The following NAP1L5 variants were observed in gnomAD, a reference collection of about 807,000 sequenced individuals.
The protein encoded by NAP1L5 is nucleosome assembly protein 1-like 5.
For synonymous variants in NAP1L5, 125 were observed against 103.6 expected (o/e 1.21, Z -1.25); for missense variants, 249 against 246.4 (o/e 1.01, Z -0.07).
In NAP1L5 at chr4:88,697,185, C is replaced by G. The variant is rs1734684313; in HGVS notation, c.*21G>C. Reference sequence around the variant, plus strand: ...AGGCTTTTTTCTTCGTGGGCTTTCTCTTCATCCATCTCTGCCCCCCTTACT... The same window carrying G: ...AGGCTTTTTTCTTCGTGGGCTTTCTGTTCATCCATCTCTGCCCCCCTTACT... On this transcript the variant is annotated 3_prime_UTR_variant, in exon 1 of 1. Transcript: ENST00000323061. 2 of 1,481,590 alleles carry G rather than the reference C, an allele frequency of 1.3e-6. No homozygotes were observed. The highest frequency in any genetic ancestry group is 1.8e-6 in the Non-Finnish European group (2 of 1,117,148). 91.8% of individuals were successfully genotyped at this position (1,481,590 alleles called of 1,614,324 possible). A position where few individuals can be genotyped will look rare whatever the true frequency, so the allele number is the denominator to read the frequency against.
In NAP1L5 at chr4:88,696,327, C is replaced by T. The variant is rs534824315; in HGVS notation, c.*879G>A. The T allele has an allele frequency of 4.1e-4, 62 of 152,710 alleles. No homozygotes were observed. The highest frequency in any genetic ancestry group is 1.4e-3 in the African/African-American group (58 of 41,568). 9.5% of individuals were successfully genotyped at this position (152,710 alleles called of 1,614,324 possible). A position where few individuals can be genotyped will look rare whatever the true frequency, so the allele number is the denominator to read the frequency against. On this transcript the variant is annotated 3_prime_UTR_variant, in exon 1 of 1. Transcript: ENST00000323061. ...TACATGACAGAAAGACGTCACAAGG[C>T]GCAAAGTACATAACGCTGGATACAC... is the stretch of plus-strand genomic sequence containing the variant.
Position 88,697,724 on chromosome 4 carries a change from C to T in NAP1L5, c.31G>A (p.Glu11Lys), listed in dbSNP as rs1734791232. MADSENQGPA[E>K]PSQAAAAAEA... Reference sequence around the variant, plus strand: ...GCCGCTGCCGCCGCCTGGCTAGGCTCCGCAGGCCCCTGGTTTTCCGAGTCG... The same window carrying T: ...GCCGCTGCCGCCGCCTGGCTAGGCTTCGCAGGCCCCTGGTTTTCCGAGTCG... The change falls in exon 1 of 1, where the codon GAG (glutamate) becomes AAG (lysine). Residue 11 changes from glutamate (E) to lysine (K), a missense_variant. Physicochemically the swap from Glu to Lys is moderately conservative, Grantham distance 56 (BLOSUM62 1). Transcript: ENST00000323061. 3.7e-6 allele frequency: 6 copies of T among 1,611,200 alleles called. No homozygotes were observed. Among genetic ancestry groups the T allele is most frequent in the Non-Finnish European group, 5.1e-6 (6 of 1,179,150 alleles).
In NAP1L5 at chr4:88,697,746, G is replaced by T; in HGVS notation, c.9C>A (p.Asp3Glu). The change falls in exon 1 of 1, where the codon GAC becomes GAA. Residue 3 changes from aspartate (D) to glutamate (E), a missense_variant. Asp to Glu is a conservative substitution (Grantham distance 45). Transcript: ENST00000323061. ...GCTCCGCAGGCCCCTGGTTTTCCGA[G>T]TCGGCCATGTTAGAGGAGAAGCCGC... Reference protein sequence around the residue: MADSENQGPAEPS... With the variant: MAESENQGPAEPS... 6.2e-7 allele frequency: 1 copy of T among 1,607,860 alleles called. No homozygotes were observed. The highest frequency in any genetic ancestry group is 8.5e-7 in the Non-Finnish European group (1 of 1,177,564).
rs1264357291 is a variant in NAP1L5, at chr4:88,696,505, T to C, written c.*701A>G. On this transcript the variant is annotated 3_prime_UTR_variant, in exon 1 of 1. Transcript: ENST00000323061. ...CTAAGAAAACACAAACATGAGATTG[T>C]AACTAATGAATACATATGTTGACAG... 6.7e-6 allele frequency: 1 copy of C among 150,156 alleles called. No individual in the cohort carries two copies. The highest frequency in any genetic ancestry group is 1.5e-5 in the Non-Finnish European group (1 of 67,472). 9.3% of individuals were successfully genotyped at this position (150,156 alleles called of 1,614,324 possible). A position where few individuals can be genotyped will look rare whatever the true frequency, so the allele number is the denominator to read the frequency against.
In NAP1L5 at chr4:88,697,575, C is replaced by G; in HGVS notation, c.180G>C (p.Glu60Asp). The change falls in exon 1 of 1, where the codon GAG becomes GAC. Residue 60 changes from glutamate to aspartate, a missense_variant. Glu to Asp is a conservative substitution (Grantham distance 45). Transcript: ENST00000323061. ...QMAEEPQTPA[E>D]NAPKPKNDFI... ...AGTCATTTTTCGGCTTTGGGGCATT[C>G]TCTGCAGGGGTCTGGGGCTCCTCAG... is the stretch of plus-strand genomic sequence containing the variant. 1 of 1,614,100 alleles carries G rather than the reference C, an allele frequency of 6.2e-7. No individual in the cohort carries two copies. The highest frequency in any genetic ancestry group is 8.5e-7 in the Non-Finnish European group (1 of 1,180,040).
At position 88,697,304 on chromosome 4, in the gene NAP1L5, C is replaced by G; in HGVS notation, c.451G>C (p.Gly151Arg). ...EEEYEDDEEE[G>R]EDEEEEEAAA... is the part of the protein sequence containing the mutation. ...GCCTCCTCCTCCTCCTCGTCTTCCCCCTCCTCCTCGTCATCCTCGTACTCC... is the reference window on the plus strand; with the variant it reads ...GCCTCCTCCTCCTCCTCGTCTTCCCGCTCCTCCTCGTCATCCTCGTACTCC... Residue 151 changes from glycine to arginine, a missense_variant, in exon 1 of 1, where the codon GGG becomes CGG. Transcript: ENST00000323061. 1 of 1,610,244 alleles carries G rather than the reference C, an allele frequency of 6.2e-7. No homozygotes were observed. The highest frequency in any genetic ancestry group is 2.2e-5 in the East Asian group (1 of 44,776).
At position 88,697,767 on chromosome 4, in the gene NAP1L5, G is replaced by GTTCT. The variant is rs754543221; in HGVS notation, c.-14_-13insAGAA. The GTTCT allele has an allele frequency of 1.3e-6, 2 of 1,597,950 alleles. No individual in the cohort carries two copies. The highest frequency in any genetic ancestry group is 4.5e-5 in the East Asian group (2 of 44,778). ...CCGAGTCGGCCATGTTAGAGGAGAA[G>GTTCT]CCGCAGAGGTCTAGGAGGGCTCCCG... On this transcript the variant is annotated 5_prime_UTR_variant, in exon 1 of 1. Transcript: ENST00000323061.
rs1305789819 is a variant in NAP1L5, at chr4:88,696,519, A to T, written c.*687T>A. The T allele has an allele frequency of 2.7e-5, 3 of 112,962 alleles. No individual in the cohort carries two copies. The highest frequency in any genetic ancestry group is 1.0e-4 in the Admixed American group (1 of 9,854). 7.0% of individuals were successfully genotyped at this position (112,962 alleles called of 1,614,324 possible). On this transcript the variant is annotated 3_prime_UTR_variant, in exon 1 of 1. Coordinates refer to ENST00000323061, the MANE Select transcript of NAP1L5 (RefSeq NM_153757.4). ...ACATGAGATTGTAACTAATGAATAC[A>T]TATGTTGACAGTATTTTACAGGTTT...
chr4:88,697,316 C>T lies in NAP1L5; in HGVS notation c.439G>A (p.Asp147Asn), dbSNP rs138384150. 3.0e-5 allele frequency: 48 copies of T among 1,612,094 alleles called. No individual in the cohort carries two copies. The highest frequency in any genetic ancestry group is 3.9e-5 in the Non-Finnish European group (46 of 1,178,886). ...TCCTCGTCTTCCCCCTCCTCCTCGTCATCCTCGTACTCCTCTTCCTCCTCC... is the reference window on the plus strand; with the variant it reads ...TCCTCGTCTTCCCCCTCCTCCTCGTTATCCTCGTACTCCTCTTCCTCCTCC... ...EEEEEEEYED[D>N]EEEGEDEEEE... Residue 147 changes from aspartate (D) to asparagine (N), a missense_variant, in exon 1 of 1, where the codon GAC (aspartate) becomes AAC (asparagine). Transcript: ENST00000323061.
Position 88,697,377 on chromosome 4 carries a change from C to T in NAP1L5, c.378G>A (p.Glu126=). The stretch of plus-strand genomic sequence containing the variant: ...CCAAGGTCCATGCACACCCCTCCAT[C>T]TCGCCGGTGAGCTCTTGGATCTTGG... ...LLAKIQELTG[E]MEGCAWTLEG... Residue 126 remains glutamate, a synonymous_variant, in exon 1 of 1, where the codon GAG becomes GAA. Coordinates refer to ENST00000323061, the MANE Select transcript of NAP1L5 (RefSeq NM_153757.4). 1 of 1,614,090 alleles carries T rather than the reference C, an allele frequency of 6.2e-7. No individual in the cohort carries two copies. The highest frequency in any genetic ancestry group is 8.5e-7 in the Non-Finnish European group (1 of 1,180,032).
In NAP1L5 at chr4:88,697,807, C is replaced by G. The variant is rs1578343782; in HGVS notation, c.-53G>C. On this transcript the variant is annotated 5_prime_UTR_variant, in exon 1 of 1. Coordinates refer to ENST00000323061, the MANE Select transcript of NAP1L5 (RefSeq NM_153757.4). Reference sequence around the variant, plus strand: ...GAGGGCTCCCGCAGAGGCCCTGCACCCGAGCTGGTCCAGAGAGATCTTGCG... The same window carrying G: ...GAGGGCTCCCGCAGAGGCCCTGCACGCGAGCTGGTCCAGAGAGATCTTGCG... The G allele has an allele frequency of 6.5e-7, 1 of 1,528,206 alleles. No homozygotes were observed. The highest frequency in any genetic ancestry group is 1.4e-5 in the African/African-American group (1 of 72,110). 94.7% of individuals were successfully genotyped at this position (1,528,206 alleles called of 1,614,324 possible).
Position 88,697,174 on chromosome 4 carries a change from G to A in NAP1L5, c.*32C>T. 1 of 1,457,406 alleles carries A rather than the reference G, an allele frequency of 6.9e-7. No individual in the cohort carries two copies. Among genetic ancestry groups the A allele is most frequent in the Non-Finnish European group, 9.1e-7 (1 of 1,103,792 alleles). The allele number at this position is 1,457,406 out of a possible 1,614,324, so 90.3% of individuals were successfully genotyped here. A position where few individuals can be genotyped will look rare whatever the true frequency, so the allele number is the denominator to read the frequency against. ...AAAACAAAACCAGGCTTTTTTCTTCGTGGGCTTTCTCTTCATCCATCTCTG... is the reference window on the plus strand; with the variant it reads ...AAAACAAAACCAGGCTTTTTTCTTCATGGGCTTTCTCTTCATCCATCTCTG... On this transcript the variant is annotated 3_prime_UTR_variant, in exon 1 of 1. Coordinates refer to ENST00000323061, the MANE Select transcript of NAP1L5 (RefSeq NM_153757.4).
In NAP1L5 at chr4:88,697,669, T is replaced by G; in HGVS notation, c.86A>C (p.Glu29Ala). 1 of 1,613,118 alleles carries G rather than the reference T, an allele frequency of 6.2e-7. No individual in the cohort carries two copies. Among genetic ancestry groups the G allele is most frequent in the Non-Finnish European group, 8.5e-7 (1 of 1,179,960 alleles). Residue 29 changes from glutamate to alanine, a missense_variant, in exon 1 of 1, where the codon GAA (glutamate) becomes GCA (alanine). Coordinates refer to ENST00000323061, the MANE Select transcript of NAP1L5 (RefSeq NM_153757.4). Reference sequence around the variant, plus strand: ...ACAGTCTCCACCCTGCGCACCGCCTTCCGCCATTACCTCCTCTGCCGCTGC... The same window carrying G: ...ACAGTCTCCACCCTGCGCACCGCCTGCCGCCATTACCTCCTCTGCCGCTGC... The part of the protein sequence containing the change: ...AEAAAEEVMA[E>A]GGAQGGDCDS...
In NAP1L5 at chr4:88,697,332, TTCC is replaced by T. The variant is rs147461195; in HGVS notation, c.420_422del (p.Glu143del). 1.6e-5 allele frequency: 25 copies of T among 1,611,802 alleles called. No homozygotes were observed. The highest frequency in any genetic ancestry group is 2.2e-5 in the East Asian group (1 of 44,806). ...CCTCCTCGTCATCCTCGTACTCCTC[TTCC>T]TCCTCCTCCTCCCCCTCCAAGGTCC... On this transcript the variant is annotated inframe_deletion, in exon 1 of 1. Coordinates refer to ENST00000323061, the MANE Select transcript of NAP1L5 (RefSeq NM_153757.4).
Position 88,697,743 on chromosome 4 carries a change from C to T in NAP1L5, c.12G>A (p.Ser4=), listed in dbSNP as rs772088874. 1.6e-5 allele frequency: 26 copies of T among 1,608,230 alleles called. No homozygotes were observed. Among genetic ancestry groups the T allele is most frequent in the Non-Finnish European group, 1.9e-5 (22 of 1,177,760 alleles). ...TAGGCTCCGCAGGCCCCTGGTTTTC[C>T]GAGTCGGCCATGTTAGAGGAGAAGC... MAD[S]ENQGPAEPSQ... Residue 4 remains serine, a synonymous_variant, in exon 1 of 1, where the codon TCG becomes TCA. Transcript: ENST00000323061.
Position 88,697,552 on chromosome 4 carries a change from T to C in NAP1L5, c.203A>G (p.Asp68Gly). ...PAENAPKPKN[D>G]FIESLPNSVK... The stretch of plus-strand genomic sequence containing the variant: ...CGAATTAGGCAGGCTCTCGATAAAG[T>C]CATTTTTCGGCTTTGGGGCATTCTC... The change falls in exon 1 of 1, where the codon GAC becomes GGC. Residue 68 changes from aspartate to glycine, a missense_variant. Physicochemically the swap from Asp to Gly is moderately conservative, Grantham distance 94. Coordinates refer to ENST00000323061, the MANE Select transcript of NAP1L5 (RefSeq NM_153757.4). 1 of 1,614,114 alleles carries C rather than the reference T, an allele frequency of 6.2e-7. No homozygotes were observed. Among genetic ancestry groups the C allele is most frequent in the Non-Finnish European group, 8.5e-7 (1 of 1,180,008 alleles).
In NAP1L5 at chr4:88,697,187, TCATC is replaced by T; in HGVS notation, c.*15_*18del. 1 of 1,484,604 alleles carries T rather than the reference TCATC, an allele frequency of 6.7e-7. No homozygotes were observed. The highest frequency in any genetic ancestry group is 8.9e-7 in the Non-Finnish European group (1 of 1,118,808). The allele number at this position is 1,484,604 out of a possible 1,614,324, so 92.0% of individuals were successfully genotyped here. A position where few individuals can be genotyped will look rare whatever the true frequency, so the allele number is the denominator to read the frequency against. On this transcript the variant is annotated 3_prime_UTR_variant, in exon 1 of 1. Transcript: ENST00000323061. The stretch of plus-strand genomic sequence containing the variant: ...GCTTTTTTCTTCGTGGGCTTTCTCT[TCATC>T]CATCTCTGCCCCCCTTACTTCTTGG...
Position 88,697,410 on chromosome 4 carries a change from G to C in NAP1L5, c.345C>G (p.Pro115=). Residue 115 remains proline, a synonymous_variant, in exon 1 of 1, where the codon CCC becomes CCG. Coordinates refer to ENST00000323061, the MANE Select transcript of NAP1L5 (RefSeq NM_153757.4). ...LEKKYNDIYK[P]LLAKIQELTG... ...TGAGCTCTTGGATCTTGGCGAGTAG[G>C]GGCTTATAGATGTCATTATACTTTT... is the stretch of plus-strand genomic sequence containing the variant. The C allele has an allele frequency of 6.2e-7, 1 of 1,613,988 alleles. No homozygotes were observed. Among genetic ancestry groups the C allele is most frequent in the Non-Finnish European group, 8.5e-7 (1 of 1,180,016 alleles).
chr4:88,697,047 T>A lies in NAP1L5; in HGVS notation c.*159A>T, dbSNP rs988976280. 1.6e-6 allele frequency: 1 copy of A among 644,098 alleles called. No individual in the cohort carries two copies. The highest frequency in any genetic ancestry group is 2.5e-6 in the Non-Finnish European group (1 of 396,518). 39.9% of individuals were successfully genotyped at this position (644,098 alleles called of 1,614,324 possible). A position where few individuals can be genotyped will look rare whatever the true frequency, so the allele number is the denominator to read the frequency against. On this transcript the variant is annotated 3_prime_UTR_variant, in exon 1 of 1. Transcript: ENST00000323061. The stretch of plus-strand genomic sequence containing the variant: ...CAAATTTGAATCGAGCTGGCCAGGA[T>A]CTAATTGCTTTAATTTAATCTATTT...
Sources: gnomAD v4.1 joint callset for allele counts on GRCh38, gnomAD v4.1.1 for gene constraint, MANE v1.5 for transcripts, NCBI Gene and HGNC (gene_info 2026-07-23, HGNC 2026-07-21) for gene names.